Variants in TMEM181 observed in about 807,000 individuals in gnomAD.
TMEM181 encodes G protein-coupled receptor 178.
A neutral mutation model predicts 71.9 loss-of-function variants in TMEM181; 39 were observed. That is an observed-to-expected ratio of 0.54 (90% CI 0.42 to 0.71). The LOEUF is 0.71. Among genes scored for constraint, TMEM181 ranks in the 30% least tolerant of loss-of-function variants. TMEM181 has a pLI of 0.00. For missense variants in TMEM181, 595 were observed against 583.0 expected, an observed-to-expected ratio of 1.02 and a Z score of -0.21; for synonymous variants, 245 against 228.8, an observed-to-expected ratio of 1.07 and a Z score of -0.64.
chr6:158,562,146 G>A (rs1782216385), intron 1 of TMEM181, among the ~76,000 whole-genome samples: 1 of 152,194 alleles, frequency 6.6e-6, no homozygotes, highest in Non-Finnish European at 1.5e-5. Context: ...TATGACCTCT[G>A]ACTCTCATTC....
intron 1 of TMEM181, among the ~76,000 whole-genome samples, chr6:158,544,683 T>C (rs1486625527): frequency 2.0e-5 from 3 of 152,264 alleles, no homozygotes; most frequent in African/African-American, 7.2e-5. Context: ...GCTGGTTCTC[T>C]TGCTCTTCTT....
chr6:158,560,539 C>CG (rs1782099830), intron 1 of TMEM181, among the ~76,000 whole-genome samples: 1 of 152,162 alleles, frequency 6.6e-6, no homozygotes, highest in Non-Finnish European at 1.5e-5. Context: ...CCGAGAGAAC[C>CG]GGGGGCGCTG....
intron 2 of TMEM181, 125 bp from the exon 3 acceptor site, chr6:158,580,815 A>G: frequency 1.3e-6 from 1 of 786,800 alleles, no homozygotes; most frequent in Admixed American, 2.2e-5. Flanking sequence ...ATAATCTCTA[A>G]AGAAAAACCA....
intron 6 of TMEM181, among the ~76,000 whole-genome samples, chr6:158,604,588 G>A (rs1426205494): frequency 3.9e-5 from 6 of 152,170 alleles, no homozygotes; most frequent in Admixed American, 3.9e-4. Context: ...CTTGGCACAC[G>A]TGGGACTGTC....
chr6:158,555,514 A>G (rs891086035), upstream of TMEM181, among the ~76,000 whole-genome samples: 7 of 152,224 alleles, frequency 4.6e-5, no homozygotes, highest in Non-Finnish European at 8.8e-5. Context: ...AAGTAAGCAG[A>G]AAAAAATAGA....
chr6:158,553,361 T>G (rs982553565), intron 1 of TMEM181, among the ~76,000 whole-genome samples: 1 of 152,254 alleles, frequency 6.6e-6, no homozygotes, highest in Non-Finnish European at 1.5e-5. Context: ...CCTAGATTAC[T>G]TATTAAAACT....
At chr6:158,607,009 C>T (rs976050242) in intron 7 of TMEM181, among the ~76,000 whole-genome samples, 1 of 152,178 alleles carries the variant, frequency 6.6e-6, no homozygotes, top group African/African-American at 2.4e-5. Flanking sequence ...GAGGACAGCT[C>T]GGAACCTGTC....
At chr6:158,627,540 G>A (rs1488765601) in intron 13 of TMEM181, among the ~76,000 whole-genome samples, 3 of 152,196 alleles carry the variant, frequency 2.0e-5, no homozygotes, top group Non-Finnish European at 4.4e-5. Flanking sequence ...TTGGAGAGGC[G>A]ACATTTGGCT....
intron 8 of TMEM181, 103 bp downstream of exon 8, chr6:158,607,446 G>A (rs539597404): frequency 6.8e-6 from 7 of 1,031,920 alleles, no homozygotes; most frequent in Non-Finnish European, 1.0e-5. Context: ...GAGAGGCTGG[G>A]GCAGGAGGAC....
intron 13 of TMEM181, chr6:158,626,667 ATGC>A (rs1211929611): frequency 2.2e-6 from 1 of 457,306 alleles, no homozygotes; most frequent in Non-Finnish European, 4.4e-6. Flanking sequence ...ACTCAGAATA[ATGC>A]TGCATGTGTG....
At chr6:158,574,638 T>G (rs974000810) in intron 2 of TMEM181, among the ~76,000 whole-genome samples, 1 of 152,206 alleles carries the variant, frequency 6.6e-6, no homozygotes, top group Non-Finnish European at 1.5e-5. Context: ...GAGATACAAG[T>G]GATGTTCAGG....
At chr6:158,562,056 G>C (rs183269742) in intron 1 of TMEM181, among the ~76,000 whole-genome samples, 196 of 152,330 alleles carry the variant, frequency 1.3e-3, no homozygotes, top group African/African-American at 4.4e-3. Context: ...GGAGAGAACA[G>C]AGCCGCTTGG....
At position 158,544,182 on chromosome 6, in the gene TMEM181, A is replaced by AGAGAGAGTGTGTGTGT. The variant is rs149735409; in HGVS notation, c.131+7318_131+7319insAGAGAGTGTGTGTGTG. ...GGTTTCTCAGGTGCAAATTGGAGAG[A>AGAGAGAGTGTGTGTGT]GTGTGTGTGTGTGTGTGTGTGTGTG... On this transcript the variant is annotated intron_variant, in intron 1 of 16. Coordinates refer to the TMEM181 transcript ENST00000367090. 7.9e-4 allele frequency among the ~76,000 whole-genome samples: 101 copies of AGAGAGAGTGTGTGTGT among 127,642 alleles called. 1 individual carries two copies. Among genetic ancestry groups the AGAGAGAGTGTGTGTGT allele is most frequent in the African/African-American group, 2.7e-3 (89 of 32,938 alleles). The allele number at this position is 127,642 out of a possible 152,430, so 83.7% of individuals were successfully genotyped here. A position where few individuals can be genotyped will look rare whatever the true frequency, so the allele number is the denominator to read the frequency against.
intron 6 of TMEM181, among the ~76,000 whole-genome samples, chr6:158,604,005 A>AT (rs778113703): frequency 2.0e-5 from 3 of 152,136 alleles, no homozygotes; most frequent in South Asian, 4.1e-4. Flanking sequence ...CTTGAGGCTT[A>AT]TTTTTTCCTA....
chr6:158,617,211 G>GGA (rs1227922466), intron 10 of TMEM181, among the ~76,000 whole-genome samples: 1 of 152,068 alleles, frequency 6.6e-6, no homozygotes, highest in Non-Finnish European at 1.5e-5. Context: ...TTTCGTCTTG[G>GGA]GAGAGTGTAT....
At chr6:158,621,510 C>A in intron 10 of TMEM181, 1 of 198,554 alleles carries the variant, frequency 5.0e-6, no homozygotes. Context: ...CTGAACCCAA[C>A]ACAGAGCTCT....
At chr6:158,623,429 C>T (rs550102353) in intron 10 of TMEM181, 121 bp from the exon 11 acceptor site, 1 of 573,304 alleles carries the variant, frequency 1.7e-6, no homozygotes, top group Non-Finnish European at 3.0e-6. Context: ...AAATCCTTCA[C>T]TGTTGGTAGG....
chr6:158,612,762 T>C (rs1002819375), intron 10 of TMEM181, among the ~76,000 whole-genome samples: 2 of 152,364 alleles, frequency 1.3e-5, no homozygotes, highest in East Asian at 1.9e-4. Flanking sequence ...GTAACTGTTA[T>C]TCCTGCTGTA....
intron 6 of TMEM181, among the ~76,000 whole-genome samples, chr6:158,600,101 C>T (rs1784587615): frequency 6.6e-6 from 1 of 152,148 alleles, no homozygotes; most frequent in African/African-American, 2.4e-5. Flanking sequence ...GCTCTCAGCT[C>T]ACATTTTAGA....
Sources: allele counts gnomAD v4.1 joint callset (sites outside exome capture counted in the v4.1 genomes callset), GRCh38; gene constraint gnomAD v4.1.1; transcripts MANE v1.5; gene names NCBI Gene and HGNC (gene_info 2026-07-23, HGNC 2026-07-21).